Variants in ANKRD44 observed in about 807,000 individuals in gnomAD.
ANKRD44 encodes the protein serine/threonine-protein phosphatase 6 regulatory ankyrin repeat subunit B.
Under a neutral mutation model 116.0 loss-of-function variants are expected in ANKRD44, and 35 were observed. The ratio of observed to expected loss-of-function variants is 0.30; its 90% CI spans 0.23 to 0.40. The LOEUF (loss-of-function observed/expected upper bound fraction) is 0.40, where lower values mean the gene tolerates loss of function less well. Ranked by LOEUF, ANKRD44 falls within the 10% of genes least tolerant of loss-of-function variation. ANKRD44 has a pLI of 1.00. For missense variants in ANKRD44, 1,014 were observed against 1,242.6 expected (o/e 0.82, Z 2.77); for synonymous variants, 435 against 461.8 (o/e 0.94, Z 0.74).
chr2:197,282,886 A>G (rs2083306117), intron 1 of ANKRD44, among the ~76,000 whole-genome samples: 2 of 152,168 alleles, frequency 1.3e-5, no homozygotes, highest in African/African-American at 4.8e-5. Context: ...TGAATCCGGG[A>G]GGTGTCCTCT....
chr2:197,282,832 C>T (rs2083304394), intron 1 of ANKRD44, among the ~76,000 whole-genome samples: 1 of 152,068 alleles, frequency 6.6e-6, no homozygotes, highest in South Asian at 2.1e-4. Flanking sequence ...ATGACATGTG[C>T]CTGTAATCCC....
chr2:196,967,673 T>C (rs2075683846), intron 21 of ANKRD44, among the ~76,000 whole-genome samples: 1 of 152,184 alleles, frequency 6.6e-6, no homozygotes. Context: ...CAATAAACAA[T>C]GTAGGACTCA....
intron 1 of ANKRD44, among the ~76,000 whole-genome samples, chr2:197,244,621 A>T (rs6749081): frequency 0.15 from 23,035 of 152,212 alleles, 2,144 homozygotes; most frequent in African/African-American, 0.27. Flanking sequence ...AGATAGAAAA[A>T]TGGAAGATGG....
At chr2:197,221,200 G>A (rs909197644) in intron 1 of ANKRD44, among the ~76,000 whole-genome samples, 8 of 150,778 alleles carry the variant, frequency 5.3e-5, no homozygotes, top group Admixed American at 6.6e-5. Flanking sequence ...GCAGTGAGCC[G>A]AGATCATGGC....
intron 16 of ANKRD44, among the ~76,000 whole-genome samples, chr2:197,027,982 G>A (rs796432179): frequency 4.6e-5 from 7 of 152,220 alleles, no homozygotes; most frequent in African/African-American, 1.7e-4. Flanking sequence ...ATGAGCCACC[G>A]TGCCCAGCCA....
chr2:196,990,355 T>C (rs1395939245), intron 27 of ANKRD44: 2 of 1,013,994 alleles, frequency 2.0e-6, no homozygotes, highest in Non-Finnish European at 1.2e-6. Flanking sequence ...AGAAAAATTA[T>C]TCATAGCGAA....
chr2:197,103,285 G>T (rs950128788), intron 9 of ANKRD44, among the ~76,000 whole-genome samples: 5 of 151,584 alleles, frequency 3.3e-5, no homozygotes, highest in Non-Finnish European at 7.4e-5. Context: ...TCATGTTTGG[G>T]TTTGTTGTTA....
At chr2:197,294,996 A>G (rs2105889832) in intron 1 of ANKRD44, among the ~76,000 whole-genome samples, 1 of 152,338 alleles carries the variant, frequency 6.6e-6, no homozygotes, top group African/African-American at 2.4e-5. Context: ...TAAAATATAA[A>G]CATATGGCTT....
At chr2:197,004,497 T>A (rs1445931049) in intron 21 of ANKRD44, among the ~76,000 whole-genome samples, 1 of 152,100 alleles carries the variant, frequency 6.6e-6, no homozygotes, top group African/African-American at 2.4e-5. Context: ...ATGGAAAAAG[T>A]AATTTCTAGA....
chr2:197,049,646 GA>G (rs1247028600), intron 16 of ANKRD44, among the ~76,000 whole-genome samples: 1 of 151,496 alleles, frequency 6.6e-6, no homozygotes, highest in Non-Finnish European at 1.5e-5. Flanking sequence ...TCTACTGTAT[GA>G]TTTTTTTTTT....
At chr2:197,198,319 A>G (rs926783722) in intron 1 of ANKRD44, among the ~76,000 whole-genome samples, 1 of 152,134 alleles carries the variant, frequency 6.6e-6, no homozygotes, top group African/African-American at 2.4e-5. Context: ...GGAGTGACCT[A>G]AGATTTGTGC....
intron 1 of ANKRD44, among the ~76,000 whole-genome samples, chr2:197,273,561 C>G (rs1454791086): frequency 6.6e-6 from 1 of 152,118 alleles, no homozygotes; most frequent in Non-Finnish European, 1.5e-5. Context: ...AACCCTTTTT[C>G]AATAGGCCAC....
chr2:197,183,775 CCATT>C (rs150212265), intron 2 of ANKRD44, among the ~76,000 whole-genome samples: 3 of 152,024 alleles, frequency 2.0e-5, no homozygotes, highest in East Asian at 3.9e-4. Flanking sequence ...TGTTCTTTAT[CCATT>C]CATTCATTCA....
Position 197,062,651 on chromosome 2 carries a change from A to G in ANKRD44, c.1650+16052T>C, listed in dbSNP as rs189742453. ...TGCACTTTTCCAACAGTCTTAGCAA[A>G]TGGCACACCAGGAGATTATATCCTG... On this transcript the variant is annotated intron_variant, in intron 16 of 27. Coordinates refer to ENST00000282272, the MANE Select transcript of ANKRD44 (RefSeq NM_001195144.2). Among the ~76,000 whole-genome samples the G allele has an allele frequency of 2.5e-3, 380 of 152,296 alleles. 1 individual carries two copies. The highest frequency in any genetic ancestry group is 0.016 in the East Asian group (85 of 5,158).
intron 4 of ANKRD44, among the ~76,000 whole-genome samples, chr2:197,126,856 CCT>C (rs10532614): frequency 0.87 from 132,836 of 151,842 alleles, 59,074 homozygotes; most frequent in East Asian, 1. Flanking sequence ...GTGTTGTGGA[CCT>C]CTCTAAATCC....
At chr2:197,078,362 G>A in intron 16 of ANKRD44, 1 of 347,760 alleles carries the variant, frequency 2.9e-6, no homozygotes, top group Non-Finnish European at 5.4e-6. Context: ...TCTTATATGG[G>A]ATCTAAACAC....
intron 16 of ANKRD44, among the ~76,000 whole-genome samples, chr2:197,026,876 T>A (rs1259880668): frequency 6.6e-6 from 1 of 152,020 alleles, no homozygotes; most frequent in Non-Finnish European, 1.5e-5. Flanking sequence ...CAGGATATGC[T>A]GATGGGCTGA....
rs2080818036 is a variant in ANKRD44 at position 197,191,358 on chromosome 2, T to C, written c.28-4252A>G. On this transcript the variant is annotated intron_variant, in intron 1 of 27. Transcript: ENST00000282272. ...TGAATGTCTGCCAAGCTGATGACAC[T>C]TGACCCCTCTAAGATAGAAATGGGG... is the stretch of plus-strand genomic sequence containing the variant. 2.0e-5 allele frequency among the ~76,000 whole-genome samples: 3 copies of C among 152,190 alleles called. No individual in the cohort carries two copies. The South Asian group carries it at 6.2e-4, about 31-fold the overall frequency.
chr2:197,203,800 A>G lies in ANKRD44; in HGVS notation c.28-16694T>C, dbSNP rs942145109. Among the ~76,000 whole-genome samples, 1 of 152,224 alleles carries G rather than the reference A, an allele frequency of 6.6e-6. No individual in the cohort carries two copies. Among genetic ancestry groups the G allele is most frequent in the African/African-American group, 2.4e-5 (1 of 41,456 alleles). ...ACTCAGCCATGAAAAGGAACAGCGT[A>G]TAATGATAGATGCTACAACATGGAT... On this transcript the variant is annotated intron_variant, in intron 1 of 27. Coordinates refer to ENST00000282272, the MANE Select transcript of ANKRD44 (RefSeq NM_001195144.2). This position sits in a 1 kb window ranked among gnomAD's most constrained non-coding sequence, Gnocchi z 4.1.
Sources: allele counts gnomAD v4.1 joint callset (sites outside exome capture counted in the v4.1 genomes callset), GRCh38; gene constraint gnomAD v4.1.1; non-coding constraint Gnocchi (gnomAD v3.1); transcripts MANE v1.5; gene names NCBI Gene and HGNC (gene_info 2026-07-23, HGNC 2026-07-21).